The following TEKT4 variants were observed in gnomAD, a reference collection of about 807,000 sequenced individuals.
TEKT4 encodes tektin 4.
A neutral mutation model predicts 46.0 loss-of-function variants in TEKT4; 46 were observed. That is an observed-to-expected ratio of 1.00 (90% CI 0.79 to 1.28). TEKT4 has a LOEUF of 1.28. Among genes scored for constraint, TEKT4 ranks in the 50% most tolerant of loss-of-function variants. TEKT4 has a pLI of 0.00. For missense variants in TEKT4, 790 were observed against 622.9 expected, an observed-to-expected ratio of 1.27 and a Z score of -2.85; for synonymous variants, 325 against 265.8, an observed-to-expected ratio of 1.22 and a Z score of -2.17.
intron 2 of TEKT4, 39 bp downstream of exon 2, chr2:94,873,629 A>G (rs1553395401): frequency 6.2e-7 from 1 of 1,611,648 alleles, no homozygotes; most frequent in South Asian, 1.1e-5. Flanking sequence ...TCCTGACCCT[A>G]CCCACAGCTG....
rs1680709196 is a variant in TEKT4, at chr2:94,874,070, G to A, written c.675G>A (p.Glu225=). ...TCGRHHSQST[E]VQAHPYSTTF... ...GGCGCCACCACAGCCAGAGCACCGA[G>A]GTGCAGGCTCATCCGTACTCCACCA... is the stretch of plus-strand genomic sequence containing the variant. The change falls in exon 3 of 6, where the codon GAG becomes GAA. Residue 225 remains glutamate, a synonymous_variant. Transcript: ENST00000295201. 5 of 1,613,520 alleles carry A rather than the reference G, an allele frequency of 3.1e-6. No homozygotes were observed. Among genetic ancestry groups the A allele is most frequent in the South Asian group, 1.1e-5 (1 of 91,082 alleles).
At chr2:94,876,173 C>G (rs1680843862) in intron 5 of TEKT4, among the ~76,000 whole-genome samples, 1 of 152,186 alleles carries the variant, frequency 6.6e-6, no homozygotes, top group Admixed American at 6.5e-5. Flanking sequence ...CTTTTGTTTC[C>G]CTTGATAACG....
At chr2:94,876,055 G>C (rs1235209719) in intron 5 of TEKT4, among the ~76,000 whole-genome samples, 1 of 152,216 alleles carries the variant, frequency 6.6e-6, no homozygotes, top group Non-Finnish European at 1.5e-5. Flanking sequence ...GGAGGCCACA[G>C]AGCCAGAGAG....
rs1553394775 is a variant in TEKT4, at chr2:94,872,038, C to T, written c.459C>T (p.Pro153=). 6.4e-7 allele frequency: 1 copy of T among 1,559,742 alleles called. No homozygotes were observed. The highest frequency in any genetic ancestry group is 1.9e-5 in the Admixed American group (1 of 52,578). ...AGTGCCGTGAGCGCCGCGAGCACCC[C>T]AACCTCGTGCGCGACCATGTGGAAA... ...NLQCRERREH[P]NLVRDHVETE... Residue 153 remains proline, a synonymous_variant, in exon 1 of 6, where the codon CCC becomes CCT. Coordinates refer to ENST00000295201, the MANE Select transcript of TEKT4 (RefSeq NM_144705.4).
intron 5 of TEKT4, 147 bp from the exon 6 acceptor site, chr2:94,876,406 A>C: frequency 3.0e-6 from 2 of 667,626 alleles, no homozygotes; most frequent in Non-Finnish European, 5.1e-6. Context: ...GCTCTGCCCT[A>C]GAGCTGCTTT....
At chr2:94,874,461 G>A (rs1242245635) in intron 3 of TEKT4, among the ~76,000 whole-genome samples, 7 of 151,896 alleles carry the variant, frequency 4.6e-5, no homozygotes, top group Non-Finnish European at 1.0e-4. Flanking sequence ...ACTAGGGAAG[G>A]GGGGCTGCGG....
chr2:94,876,526 C>T (rs373981451), intron 5 of TEKT4, 27 bp from the exon 6 acceptor site: 28 of 1,579,490 alleles, frequency 1.8e-5, no homozygotes, highest in African/African-American at 5.4e-5. Flanking sequence ...TCCCTAGCCC[C>T]GGCTCACACC....
At chr2:94,873,437 G>A (rs576388311) in intron 1 of TEKT4, 83 bp from the exon 2 acceptor site, 28 of 1,604,948 alleles carry the variant, frequency 1.7e-5, no homozygotes, top group Non-Finnish European at 2.1e-5. Context: ...TTGCTCAGGT[G>A]TTGACCAAGG....
At position 94,876,599 on chromosome 2, in the gene TEKT4, C is replaced by T. The variant is rs545808608; in HGVS notation, c.1138C>T (p.Arg380Ter). 1.4e-5 allele frequency: 23 copies of T among 1,611,964 alleles called. No homozygotes were observed. The highest frequency in any genetic ancestry group is 1.6e-4 in the Middle Eastern group (1 of 6,062). The change falls in exon 6 of 6, where the codon CGA (arginine) becomes TGA (stop). Residue 380 changes from arginine to a stop codon, truncating the protein, a stop_gained. Transcript: ENST00000295201. LOFTEE classifies it high-confidence loss of function. ...GCTGAACATGTCCCTCACAGCACTG[C>T]GAGAGAAGCTTCTAGAAGCGGAGCA... ...EELNMSLTAL[R>*]EKLLEAEQSL...
intron 1 of TEKT4, chr2:94,872,601 G>T: frequency 2.9e-6 from 1 of 345,106 alleles, no homozygotes; most frequent in Non-Finnish European, 5.7e-6. Flanking sequence ...CAGGGTGAGA[G>T]AGTAACTCAG....
In TEKT4 at chr2:94,876,229, C is replaced by T. The variant is rs192750348; in HGVS notation, c.1092-324C>T. 4.3e-3 allele frequency among the ~76,000 whole-genome samples: 657 copies of T among 152,332 alleles called. 3 individuals are homozygous for T. The highest frequency in any genetic ancestry group is 0.014 in the Middle Eastern group (4 of 294). On this transcript the variant is annotated intron_variant, in intron 5 of 5. Coordinates refer to ENST00000295201, the MANE Select transcript of TEKT4 (RefSeq NM_144705.4). ...AAGTACCTTTCTTCTTTCCCTGCCCCTCAGTTCCTTCAAGGAACTGGGGGC... is the reference window on the plus strand; with the variant it reads ...AAGTACCTTTCTTCTTTCCCTGCCCTTCAGTTCCTTCAAGGAACTGGGGGC...
At position 94,874,859 on chromosome 2, in the gene TEKT4, T is replaced by G; in HGVS notation, c.797T>G (p.Leu266Arg). ...AQRERLASAN[L>R]RVLVDCILRD... is the part of the protein sequence containing the mutation. Reference sequence around the variant, plus strand: ...CGCGAGCGCCTGGCCTCGGCCAACCTGCGGGTGCTGGTGGACTGCATCCTT... The same window carrying G: ...CGCGAGCGCCTGGCCTCGGCCAACCGGCGGGTGCTGGTGGACTGCATCCTT... Residue 266 changes from leucine to arginine, a missense_variant, in exon 4 of 6, where the codon CTG becomes CGG. Coordinates refer to ENST00000295201, the MANE Select transcript of TEKT4 (RefSeq NM_144705.4). 1 of 1,608,680 alleles carries G rather than the reference T, an allele frequency of 6.2e-7. No homozygotes were observed. The highest frequency in any genetic ancestry group is 2.2e-5 in the East Asian group (1 of 44,664).
chr2:94,875,856 G>C, intron 5 of TEKT4, 114 bp downstream of exon 5: 7 of 1,125,040 alleles, frequency 6.2e-6, no homozygotes, highest in Non-Finnish European at 8.9e-6. Flanking sequence ...GGTGCTGAGA[G>C]GGGAGGGAGA....
chr2:94,873,190 AGGCC>A (rs1553395201), intron 1 of TEKT4: 17 of 1,249,828 alleles, frequency 1.4e-5, no homozygotes, highest in Non-Finnish European at 1.7e-5. Context: ...GGCTGTCCAG[AGGCC>A]AAGGGCAGGC....
In TEKT4 at chr2:94,875,694, G is replaced by T. The variant is rs782476503; in HGVS notation, c.1043G>T (p.Arg348Leu). The T allele has an allele frequency of 1.2e-6, 2 of 1,614,108 alleles. No homozygotes were observed. The highest frequency in any genetic ancestry group is 1.7e-6 in the Non-Finnish European group (2 of 1,179,988). Residue 348 changes from arginine to leucine, a missense_variant, in exon 5 of 6, where the codon CGC (arginine) becomes CTC (leucine). By Grantham distance (102) the Arg-to-Leu change is moderately radical. Transcript: ENST00000295201. ...GTAGCCCAGACCCGGCTGTACCTGC[G>T]CTCGCACCGGCCCAACATGGAGCTG... ...LHVAQTRLYL[R>L]SHRPNMELCR...
In TEKT4 at chr2:94,871,659, C is replaced by A; in HGVS notation, c.80C>A (p.Ser27Tyr). ...CGTAACACGGGCGCCTACACGTCCT[C>A]CGGCCTGGCCACCGCCAGCTTCCGC... ...VARNTGAYTSSGLATASFRTS... is the reference protein window; with the variant it reads ...VARNTGAYTSYGLATASFRTS... Residue 27 changes from serine (S) to tyrosine (Y), a missense_variant, in exon 1 of 6, where the codon TCC (serine) becomes TAC (tyrosine). Physicochemically the swap from Ser to Tyr is moderately radical, Grantham distance 144. Coordinates refer to ENST00000295201, the MANE Select transcript of TEKT4 (RefSeq NM_144705.4). The A allele has an allele frequency of 1.2e-6, 2 of 1,612,570 alleles. 1 individual carries two copies.
intron 4 of TEKT4, 90 bp downstream of exon 4, chr2:94,875,088 G>A (rs1302899216): frequency 7.4e-7 from 1 of 1,346,818 alleles, no homozygotes; most frequent in South Asian, 1.4e-5. Flanking sequence ...TTATCCCGAG[G>A]GACCCCAGAA....
intron 2 of TEKT4, 127 bp downstream of exon 2, chr2:94,873,717 C>A: frequency 7.3e-7 from 1 of 1,371,452 alleles, no homozygotes; most frequent in Non-Finnish European, 1.0e-6. Context: ...CAGTGGAGCG[C>A]AGGACTGGGT....
chr2:94,874,457 G>A (rs1188822790), intron 3 of TEKT4, among the ~76,000 whole-genome samples: 2 of 151,692 alleles, frequency 1.3e-5, no homozygotes, highest in Admixed American at 6.6e-5. Flanking sequence ...GGGTACTAGG[G>A]AAGGGGGGCT....
Sources: allele counts gnomAD v4.1 joint callset (sites outside exome capture counted in the v4.1 genomes callset), GRCh38; gene constraint gnomAD v4.1.1; transcripts MANE v1.5; gene names NCBI Gene and HGNC (gene_info 2026-07-23, HGNC 2026-07-21).